KANSL1: variants seen among roughly 807,000 people sequenced by gnomAD.
KANSL1 encodes KAT8 regulatory NSL complex subunit 1, also known as MLL1/MLL complex subunit KANSL1.
Under a neutral mutation model 103.6 loss-of-function variants are expected in KANSL1, and 22 were observed. The ratio of observed to expected loss-of-function variants is 0.21; its 90% CI spans 0.15 to 0.30. The LOEUF is 0.30. Ranked by LOEUF, KANSL1 falls within the 10% of genes least tolerant of loss-of-function variation. The pLI is 1.00. For missense variants in KANSL1, 1,337 were observed against 1,399.8 expected (o/e 0.96, Z 0.72); for synonymous variants, 600 against 527.6 (o/e 1.14, Z -1.88).
At chr17:46,141,714 C>A (rs2044431231) in intron 2 of KANSL1, among the ~76,000 whole-genome samples, 1 of 152,182 alleles carries the variant, frequency 6.6e-6, no homozygotes, top group African/African-American at 2.4e-5. Context: ...GAAAGATATT[C>A]TTTACAAGTT....
chr17:46,170,489 AACAAAATCTCAAC>A (rs1389992291), intron 2 of KANSL1: 1 of 258,946 alleles, frequency 3.9e-6, no homozygotes, highest in Non-Finnish European at 6.9e-6. Flanking sequence ...TACTGGAAAC[AACAAAATCTCAAC>A]AATCAGGCCA....
chr17:46,119,323 CTTTT>C (rs142510572), intron 2 of KANSL1, among the ~76,000 whole-genome samples: 1 of 144,084 alleles, frequency 6.9e-6, no homozygotes, highest in Non-Finnish European at 1.5e-5. Context: ...TTTTCTTTTT[CTTTT>C]TTTTTTTTTT....
At chr17:46,184,666 C>T (rs910456973) in intron 1 of KANSL1, among the ~76,000 whole-genome samples, 2 of 152,126 alleles carry the variant, frequency 1.3e-5, no homozygotes, top group Non-Finnish European at 2.9e-5. Context: ...TACTCTTTCA[C>T]GGTTCAGCTC....
chr17:46,172,066 G>A lies in KANSL1; in HGVS notation c.78C>T (p.Ser26=), dbSNP rs752943811. ...HHIRFKLAPP[S]STLSPGSAEN... is the part of the protein sequence containing the mutation. ...CGGCACTGCCAGGGGACAAGGTAGA[G>A]GATGGGGGAGCCAGTTTGAACCGGA... is the stretch of plus-strand genomic sequence containing the variant. The change falls in exon 2 of 15, where the codon TCC becomes TCT. Residue 26 remains serine, a synonymous_variant. Coordinates refer to ENST00000432791, the MANE Select transcript of KANSL1 (RefSeq NM_015443.4). 2 of 1,614,034 alleles carry A rather than the reference G, an allele frequency of 1.2e-6. No homozygotes were observed. The highest frequency in any genetic ancestry group is 2.2e-5 in the South Asian group (2 of 91,086).
At chr17:46,096,782 C>A (rs148682999) in intron 2 of KANSL1, among the ~76,000 whole-genome samples, 1 of 151,934 alleles carries the variant, frequency 6.6e-6, no homozygotes, top group African/African-American at 2.4e-5. Context: ...CCACGCCTGG[C>A]TAATTTTTGT....
chr17:46,076,798 T>C (rs1479271329), intron 4 of KANSL1, among the ~76,000 whole-genome samples: 3 of 152,218 alleles, frequency 2.0e-5, no homozygotes, highest in Admixed American at 1.3e-4. Context: ...TTCTTGATAC[T>C]ACCGCAAATG....
chr17:46,151,819 GA>G (rs1211729941), intron 2 of KANSL1, among the ~76,000 whole-genome samples: 1 of 152,216 alleles, frequency 6.6e-6, no homozygotes. Context: ...GGGCTTTAGG[GA>G]ATCATTAATA....
chr17:46,122,827 C>A (rs1255421928), intron 2 of KANSL1, among the ~76,000 whole-genome samples: 21 of 152,142 alleles, frequency 1.4e-4, no homozygotes. Flanking sequence ...ACGAACCGCA[C>A]CCATAAAAGA....
At chr17:46,058,821 A>G (rs542056788) in intron 6 of KANSL1, among the ~76,000 whole-genome samples, 14 of 151,370 alleles carry the variant, frequency 9.2e-5, no homozygotes, top group African/African-American at 3.4e-4. Context: ...TGACATAATG[A>G]CAATATTGAA....
intron 1 of KANSL1, among the ~76,000 whole-genome samples, chr17:46,218,893 A>C (rs1182328454): frequency 1.3e-5 from 2 of 152,236 alleles, no homozygotes; most frequent in African/African-American, 2.4e-5. Flanking sequence ...AGTAAGTGTT[A>C]TTATTTCCAG....
rs149044326 is a variant in KANSL1, at chr17:46,207,966, C to T, written c.-90+15705G>A. On this transcript the variant is annotated intron_variant, in intron 1 of 14. Coordinates refer to the KANSL1 transcript ENST00000572904. ...TCTCTACTAAAAAGACAAAAATTAG[C>T]CAGGTGTGATGGTAGGCGCCTGTAA... is the stretch of plus-strand genomic sequence containing the variant. Among the ~76,000 whole-genome samples, 454 of 152,188 alleles carry T rather than the reference C, an allele frequency of 3.0e-3. 7 individuals are homozygous for T. Among genetic ancestry groups the T allele is most frequent in the African/African-American group, 0.011 (436 of 41,498 alleles).
At chr17:46,063,892 G>A (rs964214320) in intron 6 of KANSL1, among the ~76,000 whole-genome samples, 1 of 144,174 alleles carries the variant, frequency 6.9e-6, no homozygotes, top group African/African-American at 2.5e-5. Flanking sequence ...TTCATGAGGT[G>A]GCGGTTTTTT....
chr17:46,076,148 GGTA>G (rs2078758672), intron 4 of KANSL1, among the ~76,000 whole-genome samples: 1 of 152,202 alleles, frequency 6.6e-6, no homozygotes, highest in Non-Finnish European at 1.5e-5. Context: ...CTAGAAATCA[GGTA>G]GTAGGAGGAG....
chr17:46,046,135 GGGTCTGAACTGTGAA>G (rs1430915444), intron 7 of KANSL1: 1 of 152,146 alleles, frequency 6.6e-6, no homozygotes, highest in African/African-American at 2.4e-5. Context: ...CAGATAATCT[GGGTCTGAACTGTGAA>G]GGCATTCAAA....
upstream of KANSL1, among the ~76,000 whole-genome samples, chr17:46,198,422 TA>T (rs58312564): frequency 0.014 from 1,373 of 96,022 alleles, 28 homozygotes; most frequent in African/African-American, 0.049. Flanking sequence ...CTACTTTAAT[TA>T]AAAAAAAAAA....
intron 2 of KANSL1, among the ~76,000 whole-genome samples, chr17:46,096,428 C>T (rs960304581): frequency 5.4e-5 from 8 of 148,868 alleles, no homozygotes; most frequent in Admixed American, 4.1e-4. Flanking sequence ...TCAAGCGATT[C>T]TCCTGCCTCA....
chr17:46,122,428 C>T (rs2043322349), intron 2 of KANSL1, among the ~76,000 whole-genome samples: 1 of 152,194 alleles, frequency 6.6e-6, no homozygotes, highest in Non-Finnish European at 1.5e-5. Context: ...AATACTTAAA[C>T]AAGTATTCAT....
chr17:46,094,552 T>TC lies in KANSL1; in HGVS notation c.1431+7dup, dbSNP rs779817830. On this transcript the variant is annotated splice_region_variant and intron_variant, in intron 3 of 14. Coordinates refer to ENST00000432791, the MANE Select transcript of KANSL1 (RefSeq NM_015443.4). ...AGCATTTAAAAACATCAGATACTTA[T>TC]CCCTTACCTTATTAGCACGTATCTG... is the stretch of plus-strand genomic sequence containing the variant. 1.7e-5 allele frequency: 27 copies of TC among 1,610,050 alleles called. No individual in the cohort carries two copies. The highest frequency in any genetic ancestry group is 2.3e-5 in the Non-Finnish European group (27 of 1,179,258).
At chr17:46,036,778 G>C (rs2077163113) in intron 10 of KANSL1, among the ~76,000 whole-genome samples, 1 of 151,366 alleles carries the variant, frequency 6.6e-6, no homozygotes, top group East Asian at 1.9e-4. Context: ...TGAGTGCAAT[G>C]GCTTGATCTC....
Sources: gnomAD v4.1 joint callset for allele counts (sites outside exome capture counted in the v4.1 genomes callset) on GRCh38, gnomAD v4.1.1 for gene constraint, MANE v1.5 for transcripts, NCBI Gene and HGNC (gene_info 2026-07-23, HGNC 2026-07-21) for gene names.